The following TNPO2 variants were observed in gnomAD, a reference collection of about 807,000 sequenced individuals.
TNPO2 encodes the protein transportin-2.
TNPO2 carries 16 observed loss-of-function variants against 111.1 expected under a neutral mutation model. The observed-to-expected ratio is 0.14, with a 90% CI of 0.10 to 0.22. The LOEUF is 0.22. Among genes scored for constraint, TNPO2 ranks in the 10% least tolerant of loss-of-function variants. The probability of loss-of-function intolerance (pLI) is 1.00; values close to 1 mark genes in which losing one functional copy is unlikely to be tolerated. For missense variants in TNPO2, 530 were observed against 1,173.7 expected, an observed-to-expected ratio of 0.45 and a Z score of 8.01; for synonymous variants, 481 against 475.8, an observed-to-expected ratio of 1.01 and a Z score of -0.14.
chr19:12,710,844 A>T, intron 12 of TNPO2, 71 bp from the exon 13 acceptor site: 9 of 1,391,042 alleles, frequency 6.5e-6, no homozygotes, highest in Non-Finnish European at 8.7e-6. Flanking sequence ...CCTTGACTGC[A>T]CTCCCAGGAT....
intron 10 of TNPO2, among the ~76,000 whole-genome samples, chr19:12,713,482 G>GATAAATAA (rs112781674): frequency 1.2e-3 from 177 of 146,434 alleles, no homozygotes; most frequent in Admixed American, 3.7e-3. Flanking sequence ...TCTAATGAAT[G>GATAAATAA]ATAAATAAAT....
chr19:12,709,198 A>G (rs1333179327), intron 13 of TNPO2, among the ~76,000 whole-genome samples: 3 of 151,686 alleles, frequency 2.0e-5, no homozygotes, highest in Non-Finnish European at 4.4e-5. Context: ...TGTCTCTACT[A>G]AAAATACAAA....
Position 12,715,116 on chromosome 19 carries a change from G to T in TNPO2, c.702C>A (p.Cys234Ter). Residue 234 changes from cysteine (C) to a stop codon, truncating the protein, a stop_gained, in exon 9 of 26, where the codon TGC becomes TGA. Transcript: ENST00000425528. LOFTEE classifies it high-confidence loss of function. The surrounding 1 kb of genome is among the most constrained non-coding windows in gnomAD (Gnocchi z 7.1). ...DDDPEVRKNVCRALVMLLEVR... is the reference protein window; with the variant it reads ...DDDPEVRKNV ...CTTCCAGAAGCATCACCAGGGCACG[G>T]CACACATTCTTCCGCACCTCGGGGT... The T allele has an allele frequency of 6.3e-7, 1 of 1,593,936 alleles. No individual in the cohort carries two copies. Among genetic ancestry groups the T allele is most frequent in the African/African-American group, 1.3e-5 (1 of 74,798 alleles).
In TNPO2 at chr19:12,719,690, T is replaced by C. The variant is rs548352431; in HGVS notation, c.100-354A>G. On this transcript the variant is annotated intron_variant, in intron 3 of 25. Transcript: ENST00000425528. The surrounding 1 kb of genome is among the most constrained non-coding windows in gnomAD (Gnocchi z 5.0). ...TGTGCGTGCCTCTATTCCCAACTAC[T>C]TGGGAGGCTGACGCAGGGGAATCGC... 2.0e-5 allele frequency among the ~76,000 whole-genome samples: 3 copies of C among 152,002 alleles called. No individual in the cohort carries two copies. Among genetic ancestry groups the C allele is most frequent in the Admixed American group, 6.5e-5 (1 of 15,276 alleles).
At chr19:12,710,557 TAG>T (rs2025977356) in intron 13 of TNPO2, 62 bp downstream of exon 13, 1 of 1,569,634 alleles carries the variant, frequency 6.4e-7, no homozygotes, top group Non-Finnish European at 8.6e-7. Context: ...TTGGTGTGGC[TAG>T]TAATGTGGGC....
chr19:12,707,038 G>A (rs914789562), intron 13 of TNPO2, among the ~76,000 whole-genome samples: 4 of 152,086 alleles, frequency 2.6e-5, no homozygotes, highest in African/African-American at 7.2e-5. Context: ...TCGCTCTGTC[G>A]CCCAGGCTGG....
chr19:12,713,060 G>C (rs954666422), intron 10 of TNPO2, among the ~76,000 whole-genome samples: 6 of 152,184 alleles, frequency 3.9e-5, no homozygotes, highest in African/African-American at 1.4e-4. Flanking sequence ...CTGCAGGAAA[G>C]CTCTTGACCC....
Position 12,699,265 on chromosome 19 carries a change from G to A in TNPO2, c.*1999C>T, listed in dbSNP as rs1235449326. 3 of 446,106 alleles carry A rather than the reference G, an allele frequency of 6.7e-6. No homozygotes were observed. The highest frequency in any genetic ancestry group is 2.0e-5 in the African/African-American group (1 of 49,256). 27.6% of individuals were successfully genotyped at this position (446,106 alleles called of 1,614,324 possible). On this transcript the variant is annotated 3_prime_UTR_variant, in exon 26 of 26. Transcript: ENST00000425528. ...AAGTGGAATCTCACGCCACCTCGGC[G>A]CCAATCCCCAGCACAGCACAGTAAC...
Position 12,715,356 on chromosome 19 carries a change from A to G in TNPO2, c.567-32T>C. The stretch of plus-strand genomic sequence containing the variant: ...GGGAGCAGACACGTGGGTCACCCTG[A>G]CCCTGCCCACTCCAGGCTCCCTGGA... On this transcript the variant is annotated intron_variant, in intron 7 of 25. Transcript: ENST00000425528. The surrounding 1 kb of genome is among the most constrained non-coding windows in gnomAD (Gnocchi z 7.1). 3 of 1,613,542 alleles carry G rather than the reference A, an allele frequency of 1.9e-6. No individual in the cohort carries two copies. The highest frequency in any genetic ancestry group is 3.3e-4 in the Middle Eastern group (2 of 6,062).
intron 10 of TNPO2, 56 bp downstream of exon 10, chr19:12,714,765 G>A (rs1471316142): frequency 3.6e-6 from 5 of 1,385,594 alleles, no homozygotes; most frequent in Non-Finnish European, 5.1e-6. Flanking sequence ...AGGGAAGGCA[G>A]AGGCATAGCA....
rs994790985 is a variant in TNPO2, at chr19:12,702,097, T to C, written c.2386A>G (p.Met796Val). ...GYVCPQEVAP[M>V]LQQFIRPWCT... ...CAAGGCCGGATGAACTGCTGCAGCA[T>C]GGGTGCCACCTCCTGGGGGCACACG... The change falls in exon 22 of 26, where the codon ATG becomes GTG. Residue 796 changes from methionine (M) to valine (V), a missense_variant. By Grantham distance (21) the Met-to-Val change is conservative (BLOSUM62 1). Transcript: ENST00000425528. This position sits in a 1 kb window ranked among gnomAD's most constrained non-coding sequence, Gnocchi z 5.5. The C allele has an allele frequency of 1.2e-6, 2 of 1,613,380 alleles. No individual in the cohort carries two copies. Among genetic ancestry groups the C allele is most frequent in the African/African-American group, 2.7e-5 (2 of 74,922 alleles).
rs373876061 is a variant in TNPO2, at chr19:12,702,486, C to T, written c.2306-309G>A. On this transcript the variant is annotated intron_variant, in intron 21 of 25. Coordinates refer to ENST00000425528, the MANE Select transcript of TNPO2 (RefSeq NM_001382241.1). This position sits in a 1 kb window ranked among gnomAD's most constrained non-coding sequence, Gnocchi z 5.5. ...CTTGGCTCATTGCAACCTGCCTCAG[C>T]CTCCCGAGTAGCTGGGATTGCAGGC... 4 of 561,446 alleles carry T rather than the reference C, an allele frequency of 7.1e-6. No individual in the cohort carries two copies. Among genetic ancestry groups the T allele is most frequent in the African/African-American group, 5.7e-5 (3 of 52,560 alleles). The allele number at this position is 561,446 out of a possible 1,614,324, so 34.8% of individuals were successfully genotyped here.
At position 12,715,388 on chromosome 19, in the gene TNPO2, C is replaced by G; in HGVS notation, c.566+17G>C. 6.2e-7 allele frequency: 1 copy of G among 1,613,906 alleles called. No homozygotes were observed. Among genetic ancestry groups the G allele is most frequent in the South Asian group, 1.1e-5 (1 of 91,072 alleles). The stretch of plus-strand genomic sequence containing the variant: ...CCACTCCAGGCTCCCTGGAAGCCCC[C>G]AGGGAGCTGCACCCACCGGATCTTG... On this transcript the variant is annotated intron_variant, in intron 7 of 25. Transcript: ENST00000425528. The surrounding 1 kb of genome is among the most constrained non-coding windows in gnomAD (Gnocchi z 7.1).
Position 12,701,582 on chromosome 19 carries a change from C to G in TNPO2, c.2586+16G>C. ...CCTGCTCCCGGAACTAGATCAGGGC[C>G]CAGACAGAGCCTCACCTTATAAAAC... is the stretch of plus-strand genomic sequence containing the variant. On this transcript the variant is annotated intron_variant, in intron 24 of 25. Transcript: ENST00000425528. This position sits in a 1 kb window ranked among gnomAD's most constrained non-coding sequence, Gnocchi z 5.0. 6.2e-7 allele frequency: 1 copy of G among 1,613,550 alleles called. No homozygotes were observed. The highest frequency in any genetic ancestry group is 2.2e-5 in the East Asian group (1 of 44,862).
chr19:12,707,479 C>CTTTTTTTTTTT (rs56817777), intron 13 of TNPO2, among the ~76,000 whole-genome samples: 2 of 74,962 alleles, frequency 2.7e-5, no homozygotes, highest in Non-Finnish European at 5.1e-5. Context: ...TGTGAGTTTT[C>CTTTTTTTTTTT]TTTTTTTTTT....
At chr19:12,714,746 G>T (rs2026268751) in intron 10 of TNPO2, 75 bp downstream of exon 10, 3 of 1,155,804 alleles carry the variant, frequency 2.6e-6, no homozygotes, top group Non-Finnish European at 3.9e-6. Flanking sequence ...AGCACAGCAG[G>T]TGACCAGAAG....
chr19:12,707,833 T>C (rs1474781374), intron 13 of TNPO2, among the ~76,000 whole-genome samples: 2 of 151,740 alleles, frequency 1.3e-5, no homozygotes, highest in African/African-American at 4.8e-5. Context: ...TTATTATTAT[T>C]TTTTTGAGAC....
At chr19:12,711,240 C>G in intron 12 of TNPO2, 56 bp downstream of exon 12, 1 of 1,587,748 alleles carries the variant, frequency 6.3e-7, no homozygotes, top group Admixed American at 1.7e-5. Context: ...AGTCACCTCC[C>G]AAGAGGGAGT....
chr19:12,705,230 C>A lies in TNPO2; in HGVS notation c.2022+10G>T, dbSNP rs1318255220. ...GCTGGGTGTCATCACTGTCCAGGGT[C>A]CCCACCCACCTGCATGCACTGGAAC... On this transcript the variant is annotated intron_variant, in intron 18 of 25. Coordinates refer to ENST00000425528, the MANE Select transcript of TNPO2 (RefSeq NM_001382241.1). This position sits in a 1 kb window ranked among gnomAD's most constrained non-coding sequence, Gnocchi z 7.2. 6.3e-7 allele frequency: 1 copy of A among 1,598,446 alleles called. No homozygotes were observed. Among genetic ancestry groups the A allele is most frequent in the African/African-American group, 1.3e-5 (1 of 74,622 alleles).
Sources: gnomAD v4.1 joint callset for allele counts (sites outside exome capture counted in the v4.1 genomes callset) on GRCh38, gnomAD v4.1.1 for gene constraint, Gnocchi (gnomAD v3.1) non-coding constraint, MANE v1.5 for transcripts, NCBI Gene and HGNC (gene_info 2026-07-23, HGNC 2026-07-21) for gene names.